The following TMEM94 variants were observed in gnomAD, a reference collection of about 807,000 sequenced individuals.
TMEM94 encodes transmembrane protein 94.
Under a neutral mutation model 158.6 loss-of-function variants are expected in TMEM94, and 81 were observed. The ratio of observed to expected loss-of-function variants is 0.51; its 90% CI spans 0.43 to 0.61. The LOEUF is 0.61. Ranked by LOEUF, TMEM94 falls within the 20% of genes least tolerant of loss-of-function variation. TMEM94 has a pLI of 0.00. For missense variants in TMEM94, 1,435 were observed against 1,762.0 expected, an observed-to-expected ratio of 0.81 and a Z score of 3.32; for synonymous variants, 751 against 730.7, an observed-to-expected ratio of 1.03 and a Z score of -0.45.
intron 1 of TMEM94, among the ~76,000 whole-genome samples, chr17:75,464,733 AGT>A: frequency 7.4e-6 from 1 of 135,242 alleles, no homozygotes. Context: ...CTTGAGACGG[AGT>A]TTCACTCTTG....
At position 75,498,999 on chromosome 17, in the gene TMEM94, G is replaced by A; in HGVS notation, c.3915G>A (p.Val1305=). ...DSHVHFGLED[V]PLLTWLLGCL... Reference sequence around the variant, plus strand: ...ACGTCCACTTTGGCCTGGAGGACGTGCCCCTGCTGACATGGCTCCTGGGCT... The same window carrying A: ...ACGTCCACTTTGGCCTGGAGGACGTACCCCTGCTGACATGGCTCCTGGGCT... The change falls in exon 31 of 32, where the codon GTG becomes GTA. Residue 1305 remains valine (V), a synonymous_variant. Coordinates refer to ENST00000314256, the MANE Select transcript of TMEM94 (RefSeq NM_014738.6). The surrounding 1 kb of genome is among the most constrained non-coding windows in gnomAD (Gnocchi z 6.7). The A allele has an allele frequency of 6.2e-7, 1 of 1,603,168 alleles. No individual in the cohort carries two copies. The highest frequency in any genetic ancestry group is 8.5e-7 in the Non-Finnish European group (1 of 1,176,376).
At chr17:75,465,540 C>T (rs935931137) in intron 1 of TMEM94, among the ~76,000 whole-genome samples, 2 of 151,532 alleles carry the variant, frequency 1.3e-5, no homozygotes, top group Non-Finnish European at 2.9e-5. Context: ...AAGTGATCCT[C>T]CTGCCTCAGC....
chr17:75,461,206 TCTC>T, intron 1 of TMEM94, among the ~76,000 whole-genome samples: 1 of 150,152 alleles, frequency 6.7e-6, no homozygotes, highest in Non-Finnish European at 1.5e-5. Context: ...TTCAAGCAAT[TCTC>T]CTGCCTCAGC....
Position 75,494,731 on chromosome 17 carries a change from G to A in TMEM94, c.2512G>A (p.Val838Met), listed in dbSNP as rs1032687118. 1.5e-5 allele frequency: 25 copies of A among 1,613,630 alleles called. No homozygotes were observed. Among genetic ancestry groups the A allele is most frequent in the African/African-American group, 2.7e-5 (2 of 74,932 alleles). Reference protein sequence around the residue: ...SSQYQARLDIVRLIDGLVNAC... With the variant: ...SSQYQARLDIMRLIDGLVNAC... ...CCAGTACCAGGCCCGGCTGGACATC[G>A]TGCGCCTCATTGATGGGCTTGTCAA... Residue 838 changes from valine to methionine, a missense_variant, in exon 19 of 32, where the codon GTG (valine) becomes ATG (methionine). Val to Met is a conservative substitution (Grantham distance 21). This residue lies in a region of TMEM94 where 1,051 missense variants were observed against 1,254.4 expected (regional missense o/e 0.84). Coordinates refer to ENST00000314256, the MANE Select transcript of TMEM94 (RefSeq NM_014738.6).
chr17:75,467,626 G>C (rs1197434960), intron 1 of TMEM94, among the ~76,000 whole-genome samples: 1 of 145,104 alleles, frequency 6.9e-6, no homozygotes, highest in Non-Finnish European at 1.5e-5. Context: ...TCCGCTTCCC[G>C]GGTTCACGCC....
intron 2 of TMEM94, among the ~76,000 whole-genome samples, chr17:75,479,478 C>T (rs2146392802): frequency 6.6e-6 from 1 of 152,166 alleles, no homozygotes; most frequent in African/African-American, 2.4e-5. Flanking sequence ...CGCCACCATG[C>T]CCAGCTAATT....
chr17:75,495,889 T>C lies in TMEM94; in HGVS notation c.2945-77T>C. 3.7e-6 allele frequency: 4 copies of C among 1,085,044 alleles called. No individual in the cohort carries two copies. Among genetic ancestry groups the C allele is most frequent in the Non-Finnish European group, 4.2e-6 (3 of 717,446 alleles). The allele number at this position is 1,085,044 out of a possible 1,614,324, so 67.2% of individuals were successfully genotyped here. On this transcript the variant is annotated intron_variant, in intron 22 of 31. Coordinates refer to ENST00000314256, the MANE Select transcript of TMEM94 (RefSeq NM_014738.6). The surrounding 1 kb of genome is among the most constrained non-coding windows in gnomAD (Gnocchi z 5.6). ...CACCTCCCATCGCCTCCTGCTCTCC[T>C]GTCCCATGGGTCTCTGCCCAGTGCC...
At chr17:75,493,183 G>C (rs931766906) in intron 16 of TMEM94, 81 bp downstream of exon 16, 3 of 1,423,684 alleles carry the variant, frequency 2.1e-6, no homozygotes, top group Non-Finnish European at 2.9e-6. Flanking sequence ...CCCACCCATT[G>C]CTAGGGAGGC....
chr17:75,482,423 G>C (rs2051236072), intron 2 of TMEM94, among the ~76,000 whole-genome samples: 1 of 151,882 alleles, frequency 6.6e-6, no homozygotes, highest in Admixed American at 6.6e-5. Flanking sequence ...CAGGAAGATC[G>C]CTGGAGCCTG....
chr17:75,495,992 C>T lies in TMEM94; in HGVS notation c.2971C>T (p.Gln991Ter), dbSNP rs772882536. 1.2e-6 allele frequency: 2 copies of T among 1,613,364 alleles called. No homozygotes were observed. Among genetic ancestry groups the T allele is most frequent in the Non-Finnish European group, 1.7e-6 (2 of 1,179,830 alleles). ...ETMCEMIKIM[Q>*]EYGEVTCCLG... Reference sequence around the variant, plus strand: ...CATGTGTGAGATGATAAAGATCATGCAAGAGTACGGGGAGGTGACCTGCTG... The same window carrying T: ...CATGTGTGAGATGATAAAGATCATGTAAGAGTACGGGGAGGTGACCTGCTG... Residue 991 changes from glutamine (Q) to a stop codon, truncating the protein, a stop_gained, in exon 23 of 32, where the codon CAA (glutamine) becomes TAA (stop). Transcript: ENST00000314256. LOFTEE classifies it high-confidence loss of function. The surrounding 1 kb of genome is among the most constrained non-coding windows in gnomAD (Gnocchi z 5.6).
intron 10 of TMEM94, 91 bp downstream of exon 10, chr17:75,490,441 C>T: frequency 7.0e-7 from 1 of 1,430,112 alleles, no homozygotes; most frequent in Non-Finnish European, 9.5e-7. Flanking sequence ...TCCAGCCCCA[C>T]CTTGGGCTCG....
Position 75,492,280 on chromosome 17 carries a change from C to G in TMEM94, c.1597-194C>G, listed in dbSNP as rs1441636424. The G allele has an allele frequency of 2.0e-5, 29 of 1,426,710 alleles. No homozygotes were observed. Among genetic ancestry groups the G allele is most frequent in the South Asian group, 6.2e-5 (4 of 64,866 alleles). The allele number at this position is 1,426,710 out of a possible 1,614,324, so 88.4% of individuals were successfully genotyped here. On this transcript the variant is annotated intron_variant, in intron 14 of 31. Coordinates refer to ENST00000314256, the MANE Select transcript of TMEM94 (RefSeq NM_014738.6). The surrounding 1 kb of genome is among the most constrained non-coding windows in gnomAD (Gnocchi z 4.4). ...GAGATATATTAATAGTCCATAGAAG[C>G]AGACAGGAGCCCAAGAAGGACAGGA...
intron 1 of TMEM94, among the ~76,000 whole-genome samples, chr17:75,469,655 A>G (rs1015261304): frequency 6.7e-6 from 1 of 149,702 alleles, no homozygotes; most frequent in Non-Finnish European, 1.5e-5. Context: ...TTAACCCTAA[A>G]TTTTTAAAAT....
At position 75,493,791 on chromosome 17, in the gene TMEM94, A is replaced by C; in HGVS notation, c.2282A>C (p.Gln761Pro). ...YKPMNCALSS[Q>P]LNGKCIELVQ... is the part of the protein sequence containing the mutation. ...CCCATGAACTGCGCCCTGTCCTCTC[A>C]GCTCAATGGCAAGTGCATCGAGCTG... The change falls in exon 18 of 32, where the codon CAG becomes CCG. Residue 761 changes from glutamine to proline, a missense_variant. This residue lies in a region of TMEM94 where 1,051 missense variants were observed against 1,254.4 expected (regional missense o/e 0.84). Transcript: ENST00000314256. 2 of 1,614,046 alleles carry C rather than the reference A, an allele frequency of 1.2e-6. No homozygotes were observed. Among genetic ancestry groups the C allele is most frequent in the Non-Finnish European group, 1.7e-6 (2 of 1,180,036 alleles).
chr17:75,496,066 C>T lies in TMEM94; in HGVS notation c.3045C>T (p.Ser1015=), dbSNP rs201548943. Residue 1015 remains serine, a synonymous_variant, in exon 23 of 32, where the codon AGC becomes AGT. Coordinates refer to ENST00000314256, the MANE Select transcript of TMEM94 (RefSeq NM_014738.6). ...NLRNSCLFLQ[S]DISIALDPLY... ...GGAACAGCTGCCTCTTCCTCCAGAG[C>T]GACATCAGGTCAGGGCGGGACCCTG... The T allele has an allele frequency of 3.1e-5, 50 of 1,610,426 alleles. No homozygotes were observed. In the East Asian group the frequency reaches 4.7e-4, roughly 15 times the overall value.
intron 2 of TMEM94, among the ~76,000 whole-genome samples, chr17:75,482,802 G>C (rs186446296): frequency 2.4e-4 from 36 of 152,292 alleles, no homozygotes; most frequent in African/African-American, 7.9e-4. Flanking sequence ...CATTCAGCAA[G>C]TATTCACTGA....
Position 75,492,115 on chromosome 17 carries a change from T to G in TMEM94, c.1596+215T>G. On this transcript the variant is annotated intron_variant, in intron 14 of 31. Transcript: ENST00000314256. This position sits in a 1 kb window ranked among gnomAD's most constrained non-coding sequence, Gnocchi z 4.4. ...TACCCTTCCATTCTTGTAATCGCAA[T>G]CACTGGTGTCCCTACTGGAACCTTC... 1 of 786,020 alleles carries G rather than the reference T, an allele frequency of 1.3e-6. No homozygotes were observed. Among genetic ancestry groups the G allele is most frequent in the Non-Finnish European group, 2.0e-6 (1 of 505,698 alleles). The allele number at this position is 786,020 out of a possible 1,614,324, so 48.7% of individuals were successfully genotyped here.
chr17:75,492,664 C>G lies in TMEM94; in HGVS notation c.1787C>G (p.Ala596Gly), dbSNP rs756046980. ...GLNVLLNLCDASVTERLCRFS... is the reference protein window; with the variant it reads ...GLNVLLNLCDGSVTERLCRFS... ...AATGTGCTGCTGAACCTGTGTGATG[C>G]CAGCGTCACCGAGCGCCTGTGCCGA... is the stretch of plus-strand genomic sequence containing the variant. Residue 596 changes from alanine (A) to glycine (G), a missense_variant, in exon 15 of 32, where the codon GCC becomes GGC. Ala to Gly is a moderately conservative substitution (Grantham distance 60). Transcript: ENST00000314256. This position sits in a 1 kb window ranked among gnomAD's most constrained non-coding sequence, Gnocchi z 4.4. The G allele has an allele frequency of 6.2e-7, 1 of 1,613,938 alleles. No individual in the cohort carries two copies.
intron 2 of TMEM94, chr17:75,476,432 C>A (rs1384278240): frequency 1.7e-6 from 2 of 1,151,498 alleles, no homozygotes; most frequent in Admixed American, 3.5e-5. Context: ...TCCCCTCCCT[C>A]CCGCCCTTCC....
Sources: allele counts gnomAD v4.1 joint callset (sites outside exome capture counted in the v4.1 genomes callset), GRCh38; gene constraint gnomAD v4.1.1; regional missense constraint gnomAD v4.1.1; non-coding constraint Gnocchi (gnomAD v3.1); transcripts MANE v1.5; gene names NCBI Gene and HGNC (gene_info 2026-07-23, HGNC 2026-07-21).